Variants in BUB1 observed in about 807,000 individuals in gnomAD.
BUB1 encodes mitotic checkpoint serine/threonine-protein kinase BUB1.
In BUB1, 84 loss-of-function variants were observed where a neutral mutation model predicts 135.2. The observed-to-expected ratio is 0.62, with a 90% CI of 0.52 to 0.74. The LOEUF (loss-of-function observed/expected upper bound fraction) is 0.74. Ranked by LOEUF, BUB1 falls within the 30% of genes least tolerant of loss-of-function variation. The pLI is 0.00. For missense variants in BUB1, 1,162 were observed against 1,288.3 expected, an observed-to-expected ratio of 0.90 and a Z score of 1.50; for synonymous variants, 403 against 434.4, an observed-to-expected ratio of 0.93 and a Z score of 0.90.
At chr2:110,663,886 A>G (rs975604727) in intron 9 of BUB1, among the ~76,000 whole-genome samples, 10 of 151,828 alleles carry the variant, frequency 6.6e-5, no homozygotes, top group South Asian at 2.1e-4. Context: ...AAAATTAGCC[A>G]GGCATGGTGG....
rs1690456537 is a variant in BUB1 at position 110,672,777 on chromosome 2, G to A, written c.306C>T (p.Tyr102=). The change falls in exon 4 of 25, where the codon TAC becomes TAT. Residue 102 remains tyrosine, a synonymous_variant. Transcript: ENST00000302759. ...HGIGTLSSPL[Y]IAWAGHLEAQ... ...CTTCCAGATGCCCCGCCCAGGCAAT[G>A]TACAGAGGGGATGACAGGGTTCCAA... 1 of 1,614,004 alleles carries A rather than the reference G, an allele frequency of 6.2e-7. No homozygotes were observed. The highest frequency in any genetic ancestry group is 1.3e-5 in the African/African-American group (1 of 74,914).
intron 23 of BUB1, 67 bp downstream of exon 23, chr2:110,640,967 T>G (rs1574313273): frequency 1.4e-6 from 2 of 1,474,478 alleles, no homozygotes; most frequent in East Asian, 4.7e-5. Flanking sequence ...ATCCCCAAAT[T>G]CATTTTGAAA....
chr2:110,642,087 A>T, intron 20 of BUB1, 32 bp downstream of exon 20: 1 of 1,489,284 alleles, frequency 6.7e-7, no homozygotes, highest in Non-Finnish European at 9.2e-7. Context: ...ATTCATTTCT[A>T]TATCATACAA....
Position 110,661,745 on chromosome 2 carries a change from C to G in BUB1, c.1054G>C (p.Glu352Gln), listed in dbSNP as rs1222723237. 1 of 1,614,060 alleles carries G rather than the reference C, an allele frequency of 6.2e-7. No homozygotes were observed. Among genetic ancestry groups the G allele is most frequent in the African/African-American group, 1.3e-5 (1 of 74,916 alleles). Residue 352 changes from glutamate (E) to glutamine (Q), a missense_variant, in exon 10 of 25, where the codon GAA (glutamate) becomes CAA (glutamine). By Grantham distance (29) the Glu-to-Gln change is conservative (BLOSUM62 2). Transcript: ENST00000302759. ...VTYQQTPVNM[E>Q]KNPREAPPVV... ...GGAGGTGCCTCTCTTGGGTTCTTTTCCATGTTCACTGGTGTCTGCTGATAG... is the reference window on the plus strand; with the variant it reads ...GGAGGTGCCTCTCTTGGGTTCTTTTGCATGTTCACTGGTGTCTGCTGATAG...
intron 1 of BUB1, 79 bp from the exon 2 acceptor site, chr2:110,674,444 C>T (rs1373623804): frequency 3.8e-6 from 5 of 1,331,452 alleles, no homozygotes; most frequent in Non-Finnish European, 5.3e-6. Flanking sequence ...TTTATATATA[C>T]CATTTATGTG....
At chr2:110,649,127 T>C (rs887929809) in intron 19 of BUB1, 107 bp downstream of exon 19, 27 of 1,078,950 alleles carry the variant, frequency 2.5e-5, no homozygotes, top group Non-Finnish European at 3.1e-5. Context: ...CTATTGGAGG[T>C]TGGGGGGCAA....
chr2:110,639,602 G>C, intron 24 of BUB1, 140 bp downstream of exon 24: 1 of 682,780 alleles, frequency 1.5e-6, no homozygotes, highest in Non-Finnish European at 2.5e-6. Flanking sequence ...CCAGTGCCCA[G>C]GACTGTCCTG....
chr2:110,656,595 G>T (rs1689941161), intron 15 of BUB1, among the ~76,000 whole-genome samples: 1 of 152,154 alleles, frequency 6.6e-6, no homozygotes, highest in Non-Finnish European at 1.5e-5. Context: ...CATATTAGGG[G>T]ATATCTGCTG....
chr2:110,661,750 T>G lies in BUB1; in HGVS notation c.1049A>C (p.Asn350Thr). The change falls in exon 10 of 25, where the codon AAC (asparagine) becomes ACC (threonine). Residue 350 changes from asparagine to threonine, a missense_variant. By Grantham distance (65) the Asn-to-Thr change is moderately conservative. Transcript: ENST00000302759. ...LPVTYQQTPVNMEKNPREAPP... is the reference protein window; with the variant it reads ...LPVTYQQTPVTMEKNPREAPP... ...TGCCTCTCTTGGGTTCTTTTCCATGTTCACTGGTGTCTGCTGATAGGTTAC... is the reference window on the plus strand; with the variant it reads ...TGCCTCTCTTGGGTTCTTTTCCATGGTCACTGGTGTCTGCTGATAGGTTAC... 1 of 1,614,222 alleles carries G rather than the reference T, an allele frequency of 6.2e-7. No homozygotes were observed. Among genetic ancestry groups the G allele is most frequent in the East Asian group, 2.2e-5 (1 of 44,888 alleles).
intron 19 of BUB1, 92 bp from the exon 20 acceptor site, chr2:110,642,326 C>T: frequency 1.3e-6 from 1 of 772,380 alleles, no homozygotes; most frequent in Non-Finnish European, 2.0e-6. Context: ...ATAGAGTTTT[C>T]TGTATACTTC....
chr2:110,672,513 A>G (rs144209055), intron 4 of BUB1, 148 bp downstream of exon 4: 2 of 654,810 alleles, frequency 3.1e-6, no homozygotes, highest in Non-Finnish European at 4.6e-6. Context: ...ATTTCTGAGC[A>G]GTTTTTTTCT....
At chr2:110,677,925 G>A (rs1230233285) in intron 1 of BUB1, 45 bp downstream of exon 1, 1 of 1,589,204 alleles carries the variant, frequency 6.3e-7, no homozygotes, top group Admixed American at 1.8e-5. Flanking sequence ...AACCCCAGGC[G>A]CCCCAGCCCC....
At position 110,674,382 on chromosome 2, in the gene BUB1, T is replaced by A. The variant is rs757102240; in HGVS notation, c.27-17A>T. Reference sequence around the variant, plus strand: ...TCAAGCATCCTAGAAGAGAGAAAGGTATGCACATGGGATATTAGGGATAAT... The same window carrying A: ...TCAAGCATCCTAGAAGAGAGAAAGGAATGCACATGGGATATTAGGGATAAT... On this transcript the variant is annotated splice_polypyrimidine_tract_variant and intron_variant, in intron 1 of 24. Transcript: ENST00000302759. The A allele has an allele frequency of 3.2e-5, 51 of 1,612,238 alleles. No individual in the cohort carries two copies. Among genetic ancestry groups the A allele is most frequent in the Non-Finnish European group, 4.3e-5 (51 of 1,178,506 alleles).
At chr2:110,643,528 C>T (rs1689560084) in intron 19 of BUB1, among the ~76,000 whole-genome samples, 1 of 152,178 alleles carries the variant, frequency 6.6e-6, no homozygotes, top group Non-Finnish European at 1.5e-5. Context: ...TGGCTCTTAA[C>T]AAAAACTCAC....
At chr2:110,677,227 A>C (rs1486246379) in intron 1 of BUB1, among the ~76,000 whole-genome samples, 1 of 152,244 alleles carries the variant, frequency 6.6e-6, no homozygotes, top group Non-Finnish European at 1.5e-5. Context: ...GGCTAGGTTG[A>C]AGGTTACAGA....
At chr2:110,649,972 A>T (rs1689737993) in intron 18 of BUB1, among the ~76,000 whole-genome samples, 1 of 152,156 alleles carries the variant, frequency 6.6e-6, no homozygotes, top group Non-Finnish European at 1.5e-5. Context: ...CACATGCAGA[A>T]CACTGTTCTC....
In BUB1 at chr2:110,648,647, G is replaced by A. The variant is rs75153234; in HGVS notation, c.2347+587C>T. Among the ~76,000 whole-genome samples, 4,072 of 152,222 alleles carry A rather than the reference G, an allele frequency of 0.027. 74 individuals are homozygous for A. The highest frequency in any genetic ancestry group is 0.049 in the African/African-American group (2,029 of 41,518). On this transcript the variant is annotated intron_variant, in intron 19 of 24. Transcript: ENST00000302759. This position sits in a 1 kb window ranked among gnomAD's most constrained non-coding sequence, Gnocchi z 4.2. ...ACGAAAATCTGTGTGTGTATATATG[G>A]GGAGGTAGGAATATGTACTTTATGC...
At chr2:110,662,077 A>G (rs553135418) in intron 9 of BUB1, 75 of 482,964 alleles carry the variant, frequency 1.6e-4, no homozygotes, top group African/African-American at 1.1e-3. Context: ...AGCAGCTTAT[A>G]ATTTCTAACC....
chr2:110,643,605 T>C (rs1689561728), intron 19 of BUB1, among the ~76,000 whole-genome samples: 1 of 152,098 alleles, frequency 6.6e-6, no homozygotes, highest in Admixed American at 6.5e-5. Flanking sequence ...CAGACACACA[T>C]ATGGCAGAGA....
Sources: allele counts gnomAD v4.1 joint callset (sites outside exome capture counted in the v4.1 genomes callset), GRCh38; gene constraint gnomAD v4.1.1; non-coding constraint Gnocchi (gnomAD v3.1); transcripts MANE v1.5; gene names NCBI Gene and HGNC (gene_info 2026-07-23, HGNC 2026-07-21).